Variants in FRMD4B observed in about 807,000 individuals in gnomAD.
FRMD4B encodes the protein FERM domain containing 4B, also known as FERM domain-containing protein 4B.
In FRMD4B, 74 loss-of-function variants were observed where a neutral mutation model predicts 141.5. That is an observed-to-expected ratio of 0.52 (90% CI 0.43 to 0.63). FRMD4B has a LOEUF of 0.63. Among genes scored for constraint, FRMD4B ranks in the 30% least tolerant of loss-of-function variants. FRMD4B has a pLI of 0.00. For missense variants in FRMD4B, 1,366 were observed against 1,253.4 expected (o/e 1.09, Z -1.36); for synonymous variants, 506 against 467.9 (o/e 1.08, Z -1.05).
intron 5 of FRMD4B, 191 bp from the exon 6 acceptor site, chr3:69,250,290 CGTGTGTGTGTGTGTGT>C (rs10526962): frequency 0.29 from 122,943 of 418,050 alleles, 17,706 homozygotes; most frequent in African/African-American, 0.41. Flanking sequence ...ACTGTGTGTG[CGTGTGTGTGTGTGTGT>C]GTGTGTGTGT....
At chr3:69,311,562 A>G (rs1701589184) in intron 2 of FRMD4B, among the ~76,000 whole-genome samples, 1 of 152,168 alleles carries the variant, frequency 6.6e-6, no homozygotes, top group Admixed American at 6.5e-5. Flanking sequence ...TAGGAATATC[A>G]ATGAGACTAT....
intron 1 of FRMD4B, among the ~76,000 whole-genome samples, chr3:69,342,569 A>G (rs1702774399): frequency 6.6e-6 from 1 of 152,218 alleles, no homozygotes; most frequent in African/African-American, 2.4e-5. Context: ...GTATAATAAT[A>G]TTATTAAACA....
rs1193903028 is a variant in FRMD4B, at chr3:69,250,204, C to G, written c.502-105G>C. ...GTCACAGCTTGGCACCTCCAGTTTACGATCAAATGCAGATCATACCATTGC... is the reference window on the plus strand; with the variant it reads ...GTCACAGCTTGGCACCTCCAGTTTAGGATCAAATGCAGATCATACCATTGC... On this transcript the variant is annotated intron_variant, in intron 5 of 22. Transcript: ENST00000398540. 47 of 806,496 alleles carry G rather than the reference C, an allele frequency of 5.8e-5. 1 individual carries two copies. In the Admixed American group the frequency reaches 7.8e-4, roughly 13 times the overall value. 50.0% of individuals were successfully genotyped at this position (806,496 alleles called of 1,614,324 possible). A position where few individuals can be genotyped will look rare whatever the true frequency, so the allele number is the denominator to read the frequency against.
chr3:69,174,832 G>T (rs2092625708), intron 22 of FRMD4B, among the ~76,000 whole-genome samples: 1 of 152,124 alleles, frequency 6.6e-6, no homozygotes, highest in African/African-American at 2.4e-5. Flanking sequence ...AAAATAATTT[G>T]CAAATATATT....
intron 5 of FRMD4B, among the ~76,000 whole-genome samples, chr3:69,253,179 T>TC (rs1474662435): frequency 7.0e-6 from 1 of 143,566 alleles, no homozygotes; most frequent in South Asian, 2.3e-4. Context: ...AAAATATGAT[T>TC]CCTATTTTTT....
intron 2 of FRMD4B, among the ~76,000 whole-genome samples, chr3:69,420,109 G>A (rs1336701367): frequency 6.6e-6 from 1 of 152,026 alleles, no homozygotes; most frequent in African/African-American, 2.4e-5. Flanking sequence ...CATCTGCCTT[G>A]GCCTCCCAAA....
At chr3:69,377,446 G>A (rs1201786963) in intron 1 of FRMD4B, among the ~76,000 whole-genome samples, 1 of 152,168 alleles carries the variant, frequency 6.6e-6, no homozygotes, top group Non-Finnish European at 1.5e-5. Context: ...CTTTCTTCCT[G>A]CTGCCCTTGC....
chr3:69,424,100 A>G (rs759997901), intron 2 of FRMD4B, among the ~76,000 whole-genome samples: 11 of 152,230 alleles, frequency 7.2e-5, no homozygotes, highest in African/African-American at 2.7e-4. Flanking sequence ...AATCAACTAC[A>G]TATATTAAAT....
chr3:69,311,493 T>C, intron 2 of FRMD4B, 136 bp from the exon 3 acceptor site: 3 of 592,294 alleles, frequency 5.1e-6, no homozygotes, highest in Middle Eastern at 2.6e-4. Context: ...TGTTTGTGGA[T>C]TAGGTTGATG....
chr3:69,496,070 C>T (rs1706379612), intron 1 of FRMD4B, among the ~76,000 whole-genome samples: 1 of 152,114 alleles, frequency 6.6e-6, no homozygotes, highest in Non-Finnish European at 1.5e-5. Flanking sequence ...CTGTTTTACT[C>T]AGTAAACATT....
chr3:69,193,730 C>G lies in FRMD4B; in HGVS notation c.1632G>C (p.Lys544Asn). ...TTATTGCATTTTCAATCTCCTGAAG[C>G]TTTTTCATCGCATCTGTGTAATCTT... ...RKQDYTDAMK[K>N]LQEIENAINE... Residue 544 changes from lysine to asparagine, a missense_variant, in exon 17 of 23, where the codon AAG becomes AAC. Transcript: ENST00000398540. 1 of 1,613,774 alleles carries G rather than the reference C, an allele frequency of 6.2e-7. No individual in the cohort carries two copies. The highest frequency in any genetic ancestry group is 8.5e-7 in the Non-Finnish European group (1 of 1,179,728).
chr3:69,442,311 G>A (rs975583917), intron 1 of FRMD4B, among the ~76,000 whole-genome samples: 2 of 151,984 alleles, frequency 1.3e-5, no homozygotes, highest in East Asian at 1.9e-4. Flanking sequence ...CAAACTCCTG[G>A]CCTCAAGTGA....
intron 1 of FRMD4B, among the ~76,000 whole-genome samples, chr3:69,327,229 C>T (rs1028652089): frequency 1.3e-5 from 2 of 152,090 alleles, no homozygotes; most frequent in African/African-American, 4.8e-5. Flanking sequence ...TCTCTTTTCC[C>T]GTGAAAAACA....
intron 1 of FRMD4B, among the ~76,000 whole-genome samples, chr3:69,480,776 T>C (rs951089430): frequency 6.6e-6 from 1 of 152,224 alleles, no homozygotes; most frequent in African/African-American, 2.4e-5. Flanking sequence ...CAGAGGTTAC[T>C]GCTGTCTTTT....
intron 1 of FRMD4B, among the ~76,000 whole-genome samples, chr3:69,473,805 G>C (rs893685575): frequency 7.2e-5 from 11 of 152,152 alleles, no homozygotes; most frequent in Non-Finnish European, 4.4e-5. Context: ...GGTTGAAGAA[G>C]TGACCCTACA....
chr3:69,185,798 T>C (rs1475342584), intron 19 of FRMD4B, among the ~76,000 whole-genome samples: 1 of 152,096 alleles, frequency 6.6e-6, no homozygotes, highest in Non-Finnish European at 1.5e-5. Flanking sequence ...TCCTAGCACT[T>C]TGGGAGGCCG....
intron 2 of FRMD4B, among the ~76,000 whole-genome samples, chr3:69,393,741 T>C (rs1704429301): frequency 1.3e-5 from 2 of 152,220 alleles, no homozygotes; most frequent in South Asian, 4.1e-4. Context: ...TAAATTGGTC[T>C]ATATAGCACC....
intron 1 of FRMD4B, among the ~76,000 whole-genome samples, chr3:69,479,574 C>A (rs1431928891): frequency 1.3e-5 from 2 of 152,190 alleles, no homozygotes; most frequent in African/African-American, 4.8e-5. Flanking sequence ...GCCAAGAGAT[C>A]CCCTATTAGT....
At chr3:69,310,567 C>CAT in intron 3 of FRMD4B, 4 of 242,498 alleles carry the variant, frequency 1.6e-5, no homozygotes, top group South Asian at 5.0e-5. Context: ...CACACACACA[C>CAT]ACACACACAC....
Sources: gnomAD v4.1 joint callset for allele counts (sites outside exome capture counted in the v4.1 genomes callset) on GRCh38, gnomAD v4.1.1 for gene constraint, MANE v1.5 for transcripts, NCBI Gene and HGNC (gene_info 2026-07-23, HGNC 2026-07-21) for gene names.